SLC22A16: variants seen among roughly 807,000 people sequenced by gnomAD.
SLC22A16 encodes WUGSC:RG331P03.1.
SLC22A16 carries 53 observed loss-of-function variants against 52.9 expected under a neutral mutation model. The observed-to-expected ratio is 1.00, with a 90% CI of 0.80 to 1.26. The LOEUF (loss-of-function observed/expected upper bound fraction) is 1.26. Ranked by LOEUF, SLC22A16 falls within the 50% of genes most tolerant of loss-of-function variation. The pLI, the probability that SLC22A16 is intolerant of heterozygous loss-of-function variation, is 0.00. For synonymous variants in SLC22A16, 291 were observed against 268.8 expected, an observed-to-expected ratio of 1.08 and a Z score of -0.81; for missense variants, 726 against 704.0, an observed-to-expected ratio of 1.03 and a Z score of -0.35.
chr6:110,469,721 C>T (rs1776196133), intron 1 of SLC22A16, among the ~76,000 whole-genome samples: 1 of 150,982 alleles, frequency 6.6e-6, no homozygotes, highest in African/African-American at 2.5e-5. Flanking sequence ...ATTAATCTTG[C>T]TTAAGGAAAC....
chr6:110,425,033 G>T lies in SLC22A16; in HGVS notation c.1574C>A (p.Pro525Gln), dbSNP rs754329422. ...LLSGVLTLKL[P>Q]ETLGKRLATT... ...TGCTAGCCGTTTCCCAAGGGTTTCT[G>T]GAAGCTTTAGTGTTAACACTCCACT... The change falls in exon 8 of 8, where the codon CCA (proline) becomes CAA (glutamine). Residue 525 changes from proline (P) to glutamine (Q), a missense_variant. Physicochemically the swap from Pro to Gln is moderately conservative, Grantham distance 76 (BLOSUM62 -1). Transcript: ENST00000368919. 5.6e-6 allele frequency: 9 copies of T among 1,614,152 alleles called. No homozygotes were observed. The East Asian group carries it at 2.0e-4, about 36-fold the overall frequency.
chr6:110,431,074 T>C, intron 7 of SLC22A16, 97 bp downstream of exon 7: 2 of 1,002,654 alleles, frequency 2.0e-6, no homozygotes, highest in Non-Finnish European at 3.1e-6. Flanking sequence ...GGAAATGATG[T>C]ACTGGCTTTC....
intron 7 of SLC22A16, among the ~76,000 whole-genome samples, chr6:110,426,718 A>C (rs1774268944): frequency 6.6e-6 from 1 of 152,196 alleles, no homozygotes; most frequent in Non-Finnish European, 1.5e-5. Flanking sequence ...AGGAGGCTTG[A>C]GGTGGGTGGA....
Position 110,431,198 on chromosome 6 carries a change from G to A in SLC22A16, c.1494C>T (p.Leu498=). 6.2e-7 allele frequency: 1 copy of A among 1,613,892 alleles called. No homozygotes were observed. Among genetic ancestry groups the A allele is most frequent in the Non-Finnish European group, 8.5e-7 (1 of 1,180,002 alleles). Residue 498 remains leucine, a synonymous_variant, in exon 7 of 8, where the codon CTC becomes CTT. Transcript: ENST00000368919. ...GTGGTATGAAGATCCAAATGCTGCT[G>A]AGGTCCACAGAGAACGGCGCCAGGA... is the stretch of plus-strand genomic sequence containing the variant. ...ASILAPFSVD[L]SSIWIFIPQL...
At position 110,456,745 on chromosome 6, in the gene SLC22A16, G is replaced by A. The variant is rs1268942447; in HGVS notation, c.326C>T (p.Thr109Ile). ...AGTGTATTCATAGCCCAAACTCGAT[G>A]TGTTCTCCCTCTTATTCCTGCTACA... is the stretch of plus-strand genomic sequence containing the variant. ...SRCSRNKREN[T>I]SSLGYEYTGS... Residue 109 changes from threonine (T) to isoleucine (I), a missense_variant, in exon 2 of 8, where the codon ACA (threonine) becomes ATA (isoleucine). Physicochemically the swap from Thr to Ile is moderately conservative, Grantham distance 89. Transcript: ENST00000368919. 3 of 1,614,032 alleles carry A rather than the reference G, an allele frequency of 1.9e-6. No homozygotes were observed. Among genetic ancestry groups the A allele is most frequent in the South Asian group, 1.1e-5 (1 of 91,088 alleles).
At chr6:110,433,418 G>A (rs1296749865) in intron 6 of SLC22A16, among the ~76,000 whole-genome samples, 1 of 152,208 alleles carries the variant, frequency 6.6e-6, no homozygotes, top group Non-Finnish European at 1.5e-5. Context: ...AGGTGTGTGG[G>A]CATGGAAAAT....
chr6:110,438,268 C>T (rs1232322649), intron 5 of SLC22A16, among the ~76,000 whole-genome samples: 3 of 152,144 alleles, frequency 2.0e-5, no homozygotes, highest in African/African-American at 4.8e-5. Context: ...AAGATTATTG[C>T]GTTTACAAAA....
rs192758602 is a variant in SLC22A16 at position 110,455,184 on chromosome 6, C to T, written c.533+1354G>A. ...ATTTTCAGTTAACATATTTTGTACT[C>T]TGACTGTGTTATAAGCATTATTTAT... On this transcript the variant is annotated intron_variant, in intron 2 of 7. Transcript: ENST00000368919. 2.4e-3 allele frequency among the ~76,000 whole-genome samples: 359 copies of T among 150,252 alleles called. 2 individuals are homozygous for T. The highest frequency in any genetic ancestry group is 3.7e-3 in the Non-Finnish European group (254 of 67,808).
At chr6:110,465,311 G>A (rs377583349) in intron 1 of SLC22A16, among the ~76,000 whole-genome samples, 2 of 151,900 alleles carry the variant, frequency 1.3e-5, no homozygotes, top group East Asian at 3.9e-4. Context: ...TTAGGTAAAA[G>A]AAAGAAACAA....
intron 1 of SLC22A16, chr6:110,475,951 G>A: frequency 2.2e-6 from 1 of 456,462 alleles, no homozygotes; most frequent in Non-Finnish European, 4.4e-6. Flanking sequence ...TCCTTTGCAG[G>A]GTCCCGGTGA....
In SLC22A16 at chr6:110,476,520, A is replaced by G. The variant is rs750310464; in HGVS notation, c.53+2T>C. On this transcript the variant is annotated splice_donor_variant, in intron 1 of 7. Coordinates refer to ENST00000368919, the MANE Select transcript of SLC22A16 (RefSeq NM_033125.4). LOFTEE classifies it high-confidence loss of function. The stretch of plus-strand genomic sequence containing the variant: ...TGGCGCCGCGGGGCCCCTCCCCCAT[A>G]CCTGCCGAAGTGCCCCACGTGGTCA... 1.3e-5 allele frequency: 13 copies of G among 1,029,186 alleles called. No individual in the cohort carries two copies. Among genetic ancestry groups the G allele is most frequent in the Non-Finnish European group, 1.7e-5 (13 of 767,028 alleles). 63.8% of individuals were successfully genotyped at this position (1,029,186 alleles called of 1,614,324 possible). A position where few individuals can be genotyped will look rare whatever the true frequency, so the allele number is the denominator to read the frequency against.
chr6:110,442,359 C>G lies in SLC22A16; in HGVS notation c.1068G>C (p.Thr356=). ...TTAGCCAAACGGTAAGTGTCCTTTTCGTAATGCTCCAGTTATAAAACAGAT... is the reference window on the plus strand; with the variant it reads ...TTAGCCAAACGGTAAGTGTCCTTTTGGTAATGCTCCAGTTATAAAACAGAT... ...LSYLFYNWSI[T]KRTLTVWLIW... is the part of the protein sequence containing the mutation. Residue 356 remains threonine (T), a synonymous_variant, in exon 4 of 8, where the codon ACG becomes ACC. Transcript: ENST00000368919. The G allele has an allele frequency of 6.2e-7, 1 of 1,614,136 alleles. No individual in the cohort carries two copies. Among genetic ancestry groups the G allele is most frequent in the Non-Finnish European group, 8.5e-7 (1 of 1,180,016 alleles).
intron 2 of SLC22A16, chr6:110,455,517 C>T (rs1313819598): frequency 6.6e-6 from 1 of 152,148 alleles, no homozygotes. Flanking sequence ...TCCTCAGTGC[C>T]CACCATATGA....
chr6:110,468,217 C>T (rs1043875478), intron 1 of SLC22A16, among the ~76,000 whole-genome samples: 3 of 152,200 alleles, frequency 2.0e-5, no homozygotes, highest in Non-Finnish European at 4.4e-5. Context: ...AAAGAACACA[C>T]TAATTCCTAT....
At chr6:110,460,676 C>A (rs1263478252) in intron 1 of SLC22A16, among the ~76,000 whole-genome samples, 1 of 152,332 alleles carries the variant, frequency 6.6e-6, no homozygotes, top group Middle Eastern at 3.4e-3. Context: ...ATGGTGGACA[C>A]CATACTGGTT....
intron 1 of SLC22A16, among the ~76,000 whole-genome samples, chr6:110,469,229 C>T (rs1450530713): frequency 6.6e-6 from 1 of 152,148 alleles, no homozygotes. Context: ...GGTCACTGTG[C>T]ATAATACTAA....
chr6:110,443,150 T>C (rs890744634), intron 3 of SLC22A16, among the ~76,000 whole-genome samples: 2 of 152,152 alleles, frequency 1.3e-5, no homozygotes, highest in East Asian at 3.8e-4. Context: ...AACTGCTAAA[T>C]GGAGACAAAA....
intron 1 of SLC22A16, among the ~76,000 whole-genome samples, chr6:110,474,044 G>T (rs951080719): frequency 6.6e-6 from 1 of 152,084 alleles, no homozygotes; most frequent in African/African-American, 2.4e-5. Context: ...TCAGATCAGC[G>T]GCGGCATTAG....
intron 3 of SLC22A16, among the ~76,000 whole-genome samples, chr6:110,446,262 T>C (rs759365675): frequency 2.2e-4 from 34 of 152,230 alleles, no homozygotes; most frequent in Non-Finnish European, 4.6e-4. Flanking sequence ...TCTAGTAAGT[T>C]ACCATTGTAA....
Sources: gnomAD v4.1 joint callset for allele counts (sites outside exome capture counted in the v4.1 genomes callset) on GRCh38, gnomAD v4.1.1 for gene constraint, MANE v1.5 for transcripts, NCBI Gene and HGNC (gene_info 2026-07-23, HGNC 2026-07-21) for gene names.